The following RABGAP1L variants were observed in gnomAD, a reference collection of about 807,000 sequenced individuals.
The protein encoded by RABGAP1L is rab GTPase-activating protein 1-like.
In RABGAP1L, 63 loss-of-function variants were observed where a neutral mutation model predicts 137.7. That is an observed-to-expected ratio of 0.46 (90% CI 0.37 to 0.56). The LOEUF is 0.56. Ranked by LOEUF, RABGAP1L falls within the 20% of genes least tolerant of loss-of-function variation. The pLI is 0.00. For missense variants in RABGAP1L, 1,095 were observed against 1,244.0 expected (o/e 0.88, Z 1.80); for synonymous variants, 431 against 433.7 (o/e 0.99, Z 0.08).
intron 15 of RABGAP1L, among the ~76,000 whole-genome samples, chr1:174,690,509 T>C (rs910629762): frequency 6.6e-6 from 1 of 152,218 alleles, no homozygotes; most frequent in African/African-American, 2.4e-5. Context: ...TGAATATGTC[T>C]AATAATGGTA....
In RABGAP1L at chr1:174,877,329, G is replaced by A. The variant is rs139329477; in HGVS notation, c.2340+65369G>A. 700 of 1,346,780 alleles carry A rather than the reference G, an allele frequency of 5.2e-4. 3 individuals are homozygous for A. In the East Asian group the frequency reaches 9.6e-3, roughly 19 times the overall value. 83.4% of individuals were successfully genotyped at this position (1,346,780 alleles called of 1,614,324 possible). ...GCTAGCCAAGCCTGTGATAGCAGCCGCTTTTTTTTTCTTTCTCTTTCTTTC... is the reference window on the plus strand; with the variant it reads ...GCTAGCCAAGCCTGTGATAGCAGCCACTTTTTTTTTCTTTCTCTTTCTTTC... On this transcript the variant is annotated intron_variant, in intron 19 of 25. Transcript: ENST00000681986.
intron 13 of RABGAP1L, among the ~76,000 whole-genome samples, chr1:174,551,426 A>G (rs1264420441): frequency 6.6e-6 from 1 of 152,108 alleles, no homozygotes; most frequent in East Asian, 1.9e-4. Context: ...GTCAAAGAGG[A>G]AGTCTCAAAG....
chr1:174,789,841 A>G (rs770616054), intron 18 of RABGAP1L, among the ~76,000 whole-genome samples: 8 of 152,186 alleles, frequency 5.3e-5, no homozygotes, highest in Non-Finnish European at 1.0e-4. Flanking sequence ...ACCCTTGCCA[A>G]TTAACATTTT....
Position 174,385,104 on chromosome 1 carries a change from A to G in RABGAP1L, c.1560-8891A>G, listed in dbSNP as rs926964909. The stretch of plus-strand genomic sequence containing the variant: ...CCAGTGAAAAATGGATTATAAGGGA[A>G]CAAAGGTGGAAGCAGGCAGATTAGG... On this transcript the variant is annotated intron_variant, in intron 12 of 25. Coordinates refer to ENST00000681986, the MANE Select transcript of RABGAP1L (RefSeq NM_001366446.1). Among the ~76,000 whole-genome samples, 105 of 152,346 alleles carry G rather than the reference A, an allele frequency of 6.9e-4. 1 individual carries two copies. The highest frequency in any genetic ancestry group is 2.3e-3 in the African/African-American group (96 of 41,572).
intron 14 of RABGAP1L, among the ~76,000 whole-genome samples, chr1:174,668,546 A>G (rs957604044): frequency 5.3e-5 from 8 of 152,018 alleles, no homozygotes; most frequent in Non-Finnish European, 1.5e-5. Context: ...TATCTTGGCT[A>G]TTGGGAATAG....
At chr1:174,352,571 G>A (rs1262149990) in intron 11 of RABGAP1L, among the ~76,000 whole-genome samples, 2 of 152,120 alleles carry the variant, frequency 1.3e-5, no homozygotes, top group Non-Finnish European at 2.9e-5. Context: ...TGGATTGATT[G>A]CTAGTGCTTC....
intron 13 of RABGAP1L, among the ~76,000 whole-genome samples, chr1:174,438,549 C>T (rs961089490): frequency 1.3e-5 from 2 of 151,426 alleles, no homozygotes; most frequent in Admixed American, 1.3e-4. Flanking sequence ...GAAACCCCAT[C>T]TGTACTAAAA....
intron 13 of RABGAP1L, among the ~76,000 whole-genome samples, chr1:174,614,997 T>C (rs1466020580): frequency 6.6e-6 from 1 of 152,236 alleles, no homozygotes; most frequent in African/African-American, 2.4e-5. Context: ...TTTTCAAAGT[T>C]ATTAACTTCT....
chr1:174,531,300 G>A lies in RABGAP1L; in HGVS notation c.1711-106075G>A, dbSNP rs1041110095. Among the ~76,000 whole-genome samples the A allele has an allele frequency of 5.5e-4, 84 of 152,130 alleles. 1 individual carries two copies. Among genetic ancestry groups the A allele is most frequent in the African/African-American group, 2.0e-3 (84 of 41,506 alleles). Reference sequence around the variant, plus strand: ...TGTAGTTCACCAAGTATATATACATGGAAAAATTATTTGTGCTATATACTT... The same window carrying A: ...TGTAGTTCACCAAGTATATATACATAGAAAAATTATTTGTGCTATATACTT... On this transcript the variant is annotated intron_variant, in intron 13 of 25. Coordinates refer to ENST00000681986, the MANE Select transcript of RABGAP1L (RefSeq NM_001366446.1).
chr1:174,724,606 A>G (rs1318694917), intron 17 of RABGAP1L, among the ~76,000 whole-genome samples: 1 of 152,242 alleles, frequency 6.6e-6, no homozygotes, highest in East Asian at 1.9e-4. Flanking sequence ...TCAATTATTC[A>G]TTCATTTATT....
intron 1 of RABGAP1L, among the ~76,000 whole-genome samples, chr1:174,188,661 G>A (rs947280953): frequency 1.3e-5 from 2 of 152,142 alleles, no homozygotes; most frequent in African/African-American, 4.8e-5. Flanking sequence ...GTACTTTGCC[G>A]TTAGAACTCT....
rs116412097 is a variant in RABGAP1L, at chr1:174,372,279, A to C, written c.1559+1207A>C. Among the ~76,000 whole-genome samples the C allele has an allele frequency of 3.8e-3, 577 of 152,094 alleles. 6 individuals are homozygous for C. Among genetic ancestry groups the C allele is most frequent in the African/African-American group, 0.013 (559 of 41,518 alleles). On this transcript the variant is annotated intron_variant, in intron 12 of 25. Transcript: ENST00000681986. Reference sequence around the variant, plus strand: ...TAAAGGAATGCAGTCAGTGGTCCAAAGTAGGGAAGTTAAGATTTCATTTAT... The same window carrying C: ...TAAAGGAATGCAGTCAGTGGTCCAACGTAGGGAAGTTAAGATTTCATTTAT...
At chr1:174,216,863 G>A (rs1426854645) in intron 1 of RABGAP1L, among the ~76,000 whole-genome samples, 1 of 152,012 alleles carries the variant, frequency 6.6e-6, no homozygotes, top group East Asian at 1.9e-4. Context: ...TTAAATTTTA[G>A]TGAAAAGGTT....
chr1:174,452,467 G>A (rs1042446670), intron 13 of RABGAP1L, among the ~76,000 whole-genome samples: 3 of 152,132 alleles, frequency 2.0e-5, no homozygotes, highest in South Asian at 2.1e-4. Flanking sequence ...TGAATTTGAG[G>A]ACTAAATGAA....
intron 19 of RABGAP1L, among the ~76,000 whole-genome samples, chr1:174,820,409 C>G (rs571246503): frequency 6.6e-6 from 1 of 152,118 alleles, no homozygotes; most frequent in Non-Finnish European, 1.5e-5. Flanking sequence ...CTTAACCGCC[C>G]CACTCAATTT....
intron 13 of RABGAP1L, among the ~76,000 whole-genome samples, chr1:174,403,766 A>C (rs1571638896): frequency 6.6e-6 from 1 of 151,668 alleles, no homozygotes; most frequent in Non-Finnish European, 1.5e-5. Context: ...GATTATACTG[A>C]AATACGAAGT....
intron 1 of RABGAP1L, among the ~76,000 whole-genome samples, chr1:174,192,537 G>C (rs1667285650): frequency 1.3e-5 from 2 of 152,034 alleles, no homozygotes; most frequent in Non-Finnish European, 2.9e-5. Flanking sequence ...TGCCAGACTG[G>C]TCTCGAACTT....
At chr1:174,586,006 C>T (rs1669084305) in intron 13 of RABGAP1L, among the ~76,000 whole-genome samples, 1 of 152,120 alleles carries the variant, frequency 6.6e-6, no homozygotes, top group Non-Finnish European at 1.5e-5. Context: ...CCATTTAACC[C>T]AGCAATCCCA....
chr1:174,282,627 C>T (rs1297815257), intron 10 of RABGAP1L, among the ~76,000 whole-genome samples: 1 of 152,074 alleles, frequency 6.6e-6, no homozygotes, highest in Non-Finnish European at 1.5e-5. Context: ...TCGATGAAGT[C>T]ATATTAATAT....
Sources: allele counts gnomAD v4.1 joint callset (sites outside exome capture counted in the v4.1 genomes callset), GRCh38; gene constraint gnomAD v4.1.1; transcripts MANE v1.5; gene names NCBI Gene and HGNC (gene_info 2026-07-23, HGNC 2026-07-21).